NPSR1: variants seen among roughly 807,000 people sequenced by gnomAD.
The protein encoded by NPSR1 is neuropeptide S receptor 1.
NPSR1 carries 48 observed loss-of-function variants against 46.9 expected under a neutral mutation model. The ratio of observed to expected loss-of-function variants is 1.02; its 90% CI spans 0.81 to 1.30. NPSR1 has a LOEUF of 1.30. Ranked by LOEUF, NPSR1 falls within the 50% of genes most tolerant of loss-of-function variation. The probability of loss-of-function intolerance (pLI) is 0.00; values close to 1 mark genes in which losing one functional copy is unlikely to be tolerated. For synonymous variants in NPSR1, 176 were observed against 168.1 expected, an observed-to-expected ratio of 1.05 and a Z score of -0.36; for missense variants, 450 against 449.5, an observed-to-expected ratio of 1.00 and a Z score of -0.01.
chr7:34,714,140 A>C (rs1373319021), intron 2 of NPSR1, among the ~76,000 whole-genome samples: 1 of 152,192 alleles, frequency 6.6e-6, no homozygotes, highest in African/African-American at 2.4e-5. Context: ...ATCGCCAGGA[A>C]AGTTCCTCAG....
rs1272272255 is a variant in NPSR1 at position 34,660,102 on chromosome 7, T to TG, written c.147+1544dup. On this transcript the variant is annotated intron_variant, in intron 1 of 8. Coordinates refer to ENST00000360581, the MANE Select transcript of NPSR1 (RefSeq NM_207172.2). ...CAAATCCCACCTTGCTCTCTATGAG[T>TG]GTTTGTCCTCTCTATCCTAGCAACA... 5.3e-5 allele frequency: 24 copies of TG among 456,642 alleles called. No individual in the cohort carries two copies. In the East Asian group the frequency reaches 1.6e-3, roughly 30 times the overall value. The allele number at this position is 456,642 out of a possible 1,614,324, so 28.3% of individuals were successfully genotyped here.
At chr7:34,705,935 T>TA (rs1794082894) in intron 2 of NPSR1, among the ~76,000 whole-genome samples, 1 of 58,808 alleles carries the variant, frequency 1.7e-5, no homozygotes, top group African/African-American at 9.5e-5. Context: ...TTGGGTAGTA[T>TA]TTTTTTTTTC....
At chr7:34,751,899 G>A (rs553295591) in intron 2 of NPSR1, 125 of 1,479,910 alleles carry the variant, frequency 8.4e-5, no homozygotes, top group East Asian at 1.4e-4. Flanking sequence ...TTTCGGGACC[G>A]TCTCCCGCAG....
At chr7:34,769,775 A>C (rs1185826357) in intron 2 of NPSR1, among the ~76,000 whole-genome samples, 1 of 152,226 alleles carries the variant, frequency 6.6e-6, no homozygotes, top group Non-Finnish European at 1.5e-5. Flanking sequence ...CTCAAAGGAC[A>C]ATAAAGCCTG....
At chr7:34,872,377 A>G (rs1381862025) in intron 8 of NPSR1, among the ~76,000 whole-genome samples, 2 of 151,952 alleles carry the variant, frequency 1.3e-5, no homozygotes, top group East Asian at 3.8e-4. Context: ...CAAGACTTCT[A>G]AAGTGCCTTC....
intron 2 of NPSR1, among the ~76,000 whole-genome samples, chr7:34,740,568 A>G (rs941517757): frequency 3.9e-5 from 6 of 152,170 alleles, no homozygotes; most frequent in African/African-American, 1.4e-4. Context: ...CAGAGCCCAC[A>G]GGGCTTTCCT....
In NPSR1 at chr7:34,742,565, T is replaced by A. The variant is rs1784997891; in HGVS notation, c.281-35897T>A. On this transcript the variant is annotated intron_variant, in intron 2 of 8. Transcript: ENST00000360581. ...TACTACATTTGCTTCATCCAATCTG[T>A]CATTGATGGGCATTTAGGTTGATTC... 2.6e-5 allele frequency among the ~76,000 whole-genome samples: 4 copies of A among 152,260 alleles called. No homozygotes were observed. In the South Asian group the frequency reaches 8.3e-4, roughly 32 times the overall value.
At chr7:34,677,416 T>C (rs1419218463) in intron 1 of NPSR1, among the ~76,000 whole-genome samples, 2 of 152,178 alleles carry the variant, frequency 1.3e-5, no homozygotes, top group African/African-American at 4.8e-5. Flanking sequence ...AAGAGAGATA[T>C]AGTCTGAAAA....
intron 2 of NPSR1, among the ~76,000 whole-genome samples, chr7:34,725,840 C>G (rs373318036): frequency 3.9e-5 from 6 of 152,202 alleles, no homozygotes; most frequent in Non-Finnish European, 8.8e-5. Context: ...AGGGTGGTGC[C>G]GGGTGGAGAT....
intron 2 of NPSR1, among the ~76,000 whole-genome samples, chr7:34,696,186 G>A (rs983296404): frequency 6.6e-6 from 1 of 150,804 alleles, no homozygotes; most frequent in Middle Eastern, 3.4e-3. Flanking sequence ...AAAGCTAGAA[G>A]CCATTATACT....
intron 2 of NPSR1, among the ~76,000 whole-genome samples, chr7:34,739,932 G>C (rs1206442901): frequency 2.0e-5 from 3 of 152,200 alleles, no homozygotes; most frequent in Non-Finnish European, 4.4e-5. Context: ...TGGTAGTATG[G>C]GGAGGATCAG....
chr7:34,658,863 T>G (rs552237152), intron 1 of NPSR1, among the ~76,000 whole-genome samples: 53 of 152,266 alleles, frequency 3.5e-4, no homozygotes, highest in African/African-American at 1.3e-3. Flanking sequence ...GAAAGCACTT[T>G]TAATTAATCC....
rs1787487216 is a variant in NPSR1 at position 34,786,819 on chromosome 7, A to G, written c.384+8254A>G. On this transcript the variant is annotated intron_variant, in intron 3 of 8. Transcript: ENST00000360581. ...GAATCTTTTTTTCTGAGCAGTAGAT[A>G]TCAACAGGGAGCTTAAAATATTCAG... 2.0e-5 allele frequency among the ~76,000 whole-genome samples: 3 copies of G among 152,120 alleles called. No individual in the cohort carries two copies. In the South Asian group the frequency reaches 6.2e-4, roughly 31 times the overall value.
In NPSR1 at chr7:34,821,153, T is replaced by TA. The variant is rs1554335782; in HGVS notation, c.479-6247dup. 2.5e-3 allele frequency among the ~76,000 whole-genome samples: 343 copies of TA among 135,974 alleles called. 9 individuals carry two copies. Among genetic ancestry groups the TA allele is most frequent in the Admixed American group, 4.1e-3 (57 of 14,002 alleles). The allele number at this position is 135,974 out of a possible 152,430, so 89.2% of individuals were successfully genotyped here. ...TTTTTTTTTTTTTTTTTTTTTTTTT[T>TA]AGACAGAGTCTCACTCTGTCGCCCG... On this transcript the variant is annotated intron_variant, in intron 4 of 8. Transcript: ENST00000360581.
rs144506148 is a variant in NPSR1 at position 34,865,213 on chromosome 7, C to T, written c.1026-12863C>T. On this transcript the variant is annotated intron_variant, in intron 8 of 8. Coordinates refer to the NPSR1 transcript ENST00000359791. ...AACGGTGATATAAGTGAGAAACAAA[C>T]ATTTATTTTTGCTCAGCTACGGAAT... 4.0e-3 allele frequency among the ~76,000 whole-genome samples: 603 copies of T among 151,880 alleles called. 6 individuals are homozygous for T. The highest frequency in any genetic ancestry group is 6.5e-3 in the Non-Finnish European group (440 of 68,008).
intron 8 of NPSR1, among the ~76,000 whole-genome samples, chr7:34,873,297 T>C (rs958666573): frequency 6.6e-6 from 1 of 151,832 alleles, no homozygotes; most frequent in African/African-American, 2.4e-5. Flanking sequence ...TCTCTGCCCA[T>C]TACCCAGTTC....
intron 3 of NPSR1, among the ~76,000 whole-genome samples, chr7:34,785,427 T>C (rs1787420181): frequency 6.7e-6 from 1 of 149,958 alleles, no homozygotes; most frequent in Non-Finnish European, 1.5e-5. Flanking sequence ...ATATACCTAA[T>C]GCTAATTGAT....
rs772930017 is a variant in NPSR1 at position 34,827,428 on chromosome 7, T to C, written c.506T>C (p.Ile169Thr). 2 of 1,614,126 alleles carry C rather than the reference T, an allele frequency of 1.2e-6. No homozygotes were observed. The highest frequency in any genetic ancestry group is 1.7e-6 in the Non-Finnish European group (2 of 1,180,002). ...GEKQARVLIV[I>T]AWSLSFLFSI... ...AAGCAAGCCAGGGTCCTCATTGTGA[T>C]CGCCTGGAGCCTGTCTTTTCTGTTC... The change falls in exon 5 of 9, where the codon ATC becomes ACC. Residue 169 changes from isoleucine (I) to threonine (T), a missense_variant. Transcript: ENST00000360581.
Position 34,721,295 on chromosome 7 carries a change from G to A in NPSR1, c.280+36611G>A, listed in dbSNP as rs1783845893. Among the ~76,000 whole-genome samples the A allele has an allele frequency of 2.0e-5, 3 of 152,148 alleles. No homozygotes were observed. The South Asian group carries it at 6.2e-4, about 32-fold the overall frequency. ...ATAAGGAAATGAAAACAACAAAATA[G>A]GAATGGAAGATAGCAACGAGTGTTC... is the stretch of plus-strand genomic sequence containing the variant. On this transcript the variant is annotated intron_variant, in intron 2 of 8. Transcript: ENST00000360581.
Sources: allele counts gnomAD v4.1 joint callset (sites outside exome capture counted in the v4.1 genomes callset), GRCh38; gene constraint gnomAD v4.1.1; transcripts MANE v1.5; gene names NCBI Gene and HGNC (gene_info 2026-07-23, HGNC 2026-07-21).